The following CSMD1 variants were observed in gnomAD, a reference collection of about 807,000 sequenced individuals.
CSMD1 encodes CUB and sushi domain-containing protein 1.
In CSMD1, 213 loss-of-function variants were observed where a neutral mutation model predicts 417.5. The observed-to-expected ratio is 0.51, with a 90% confidence interval of 0.46 to 0.57. CSMD1 has a LOEUF of 0.57. Among genes scored for constraint, CSMD1 ranks in the 20% least tolerant of loss-of-function variants. The pLI is 0.00. For missense variants in CSMD1, 6,923 were observed against 4,529.7 expected (o/e 1.53, Z -15.17); for synonymous variants, 2,862 against 1,736.8 (o/e 1.65, Z -16.11).
At chr8:4,592,099 T>G (rs1474011076) in intron 2 of CSMD1, among the ~76,000 whole-genome samples, 1 of 152,098 alleles carries the variant, frequency 6.6e-6, no homozygotes, top group Non-Finnish European at 1.5e-5. Flanking sequence ...CTGGTAGATG[T>G]TTAACGAGCG....
intron 3 of CSMD1, among the ~76,000 whole-genome samples, chr8:4,225,571 C>T (rs943035129): frequency 4.0e-5 from 6 of 150,370 alleles, no homozygotes; most frequent in Non-Finnish European, 7.4e-5. Flanking sequence ...TGTTAAGAGC[C>T]TAAATACATC....
chr8:3,986,273 T>A (rs1162473182), intron 5 of CSMD1, among the ~76,000 whole-genome samples: 4 of 152,076 alleles, frequency 2.6e-5, no homozygotes, highest in Non-Finnish European at 4.4e-5. Flanking sequence ...GGCATCAACA[T>A]TCTCTCTACA....
chr8:4,766,683 G>C (rs1240254556), intron 1 of CSMD1, among the ~76,000 whole-genome samples: 2 of 152,182 alleles, frequency 1.3e-5, no homozygotes, highest in African/African-American at 4.8e-5. Context: ...TGGCTCCTGA[G>C]GGAATGAACT....
intron 5 of CSMD1, among the ~76,000 whole-genome samples, chr8:3,928,569 T>C (rs1426911493): frequency 1.3e-5 from 2 of 151,422 alleles, no homozygotes; most frequent in Non-Finnish European, 3.0e-5. Flanking sequence ...TAAGTTCAGA[T>C]CTACAAGTAG....
chr8:4,600,290 G>A (rs1187575967), intron 2 of CSMD1, among the ~76,000 whole-genome samples: 1 of 152,074 alleles, frequency 6.6e-6, no homozygotes, highest in Admixed American at 6.6e-5. Context: ...TTGACCTTAG[G>A]TACTCTATGT....
intron 1 of CSMD1, among the ~76,000 whole-genome samples, chr8:4,713,372 T>C (rs1021949843): frequency 1.0e-4 from 14 of 136,590 alleles, no homozygotes; most frequent in African/African-American, 3.9e-4. Flanking sequence ...GTCAGCTTTG[T>C]GTTTTTGTTT....
intron 1 of CSMD1, among the ~76,000 whole-genome samples, chr8:4,703,904 C>A (rs1260647017): frequency 6.6e-6 from 1 of 152,090 alleles, no homozygotes; most frequent in South Asian, 2.1e-4. Flanking sequence ...TGAAACTGTT[C>A]CACCTCAGAT....
At chr8:3,109,388 A>G (rs1816355408) in intron 43 of CSMD1, among the ~76,000 whole-genome samples, 1 of 152,202 alleles carries the variant, frequency 6.6e-6, no homozygotes, top group African/African-American at 2.4e-5. Flanking sequence ...TTGGTTTTAA[A>G]ACGGCAGTTT....
chr8:4,757,751 G>C (rs1341787327), intron 1 of CSMD1, among the ~76,000 whole-genome samples: 1 of 151,996 alleles, frequency 6.6e-6, no homozygotes, highest in African/African-American at 2.4e-5. Flanking sequence ...TTGAGGCCAG[G>C]AGTTTGAGAC....
At chr8:4,369,814 G>A (rs1300362546) in intron 3 of CSMD1, among the ~76,000 whole-genome samples, 1 of 152,070 alleles carries the variant, frequency 6.6e-6, no homozygotes, top group Admixed American at 6.6e-5. Flanking sequence ...TTTACTTCGA[G>A]ACTATGGGTG....
intron 3 of CSMD1, among the ~76,000 whole-genome samples, chr8:4,090,555 C>T (rs1426079641): frequency 6.6e-6 from 1 of 152,176 alleles, no homozygotes; most frequent in African/African-American, 2.4e-5. Context: ...CTTGCTTTTA[C>T]AACAGAAACT....
intron 5 of CSMD1, among the ~76,000 whole-genome samples, chr8:3,845,393 G>A (rs924306618): frequency 6.6e-6 from 1 of 152,160 alleles, no homozygotes; most frequent in African/African-American, 2.4e-5. Context: ...CCTGAATACT[G>A]AAGGCAATGG....
intron 1 of CSMD1, among the ~76,000 whole-genome samples, chr8:4,865,975 T>C (rs1318696663): frequency 6.6e-6 from 1 of 151,936 alleles, no homozygotes; most frequent in Non-Finnish European, 1.5e-5. Flanking sequence ...ACACAGGAAG[T>C]CCTTGAGATG....
At chr8:4,979,323 G>A (rs553233241) in intron 1 of CSMD1, among the ~76,000 whole-genome samples, 2 of 152,108 alleles carry the variant, frequency 1.3e-5, no homozygotes, top group Non-Finnish European at 2.9e-5. Context: ...TAATCCTTAT[G>A]ATATTGAGCA....
chr8:4,186,899 G>A (rs527498383), intron 3 of CSMD1, among the ~76,000 whole-genome samples: 5 of 151,982 alleles, frequency 3.3e-5, no homozygotes, highest in Non-Finnish European at 7.4e-5. Flanking sequence ...GGGAGGCTGA[G>A]GCAGGAGAAT....
chr8:4,764,012 T>C (rs1323950207), intron 1 of CSMD1, among the ~76,000 whole-genome samples: 1 of 152,160 alleles, frequency 6.6e-6, no homozygotes, highest in African/African-American at 2.4e-5. Flanking sequence ...TTCATTTAGA[T>C]CTTACAAGAA....
At chr8:4,938,376 C>G (rs989871514) in intron 1 of CSMD1, among the ~76,000 whole-genome samples, 1 of 152,172 alleles carries the variant, frequency 6.6e-6, no homozygotes, top group Non-Finnish European at 1.5e-5. Context: ...TACAGCTGTC[C>G]TATAGTTATT....
At chr8:4,900,736 C>T (rs968943803) in intron 1 of CSMD1, among the ~76,000 whole-genome samples, 2 of 152,156 alleles carry the variant, frequency 1.3e-5, no homozygotes, top group African/African-American at 2.4e-5. Flanking sequence ...ACGGAGTTAA[C>T]TTATCCTTTC....
chr8:3,360,387 G>A lies in CSMD1; in HGVS notation c.3116-1047C>T, dbSNP rs532572069. The stretch of plus-strand genomic sequence containing the variant: ...CTCCGTAGTATGTACGTATAATTGA[G>A]CTCTGGCTGTCACCAGCCTCTTGGT... On this transcript the variant is annotated intron_variant, in intron 20 of 69. Coordinates refer to ENST00000635120, the MANE Select transcript of CSMD1 (RefSeq NM_033225.6). 5.9e-5 allele frequency among the ~76,000 whole-genome samples: 9 copies of A among 152,304 alleles called. No homozygotes were observed. In the South Asian group the frequency reaches 1.5e-3, roughly 25 times the overall value.
Sources: allele counts gnomAD v4.1 joint callset (sites outside exome capture counted in the v4.1 genomes callset), GRCh38; gene constraint gnomAD v4.1.1; transcripts MANE v1.5; gene names NCBI Gene and HGNC (gene_info 2026-07-23, HGNC 2026-07-21).